TREM1: variants seen among roughly 807,000 people sequenced by gnomAD.
The protein encoded by TREM1 is triggering receptor expressed on myeloid cells 1, also known as triggering receptor expressed on monocytes 1.
Under a neutral mutation model 22.4 loss-of-function variants are expected in TREM1, and 16 were observed. The observed-to-expected ratio is 0.71, with a 90% CI of 0.48 to 1.08. The LOEUF (loss-of-function observed/expected upper bound fraction) is 1.08. Ranked by LOEUF, TREM1 falls within the 50% of genes least tolerant of loss-of-function variation. The pLI, the probability that TREM1 is intolerant of heterozygous loss-of-function variation, is 0.00. For missense variants in TREM1, 283 were observed against 282.9 expected, an observed-to-expected ratio of 1.00 and a Z score of 0.00; for synonymous variants, 110 against 111.6, an observed-to-expected ratio of 0.99 and a Z score of 0.09.
chr6:41,282,553 C>T lies in TREM1; in HGVS notation c.248G>A (p.Gly83Glu). Residue 83 changes from glycine to glutamate, a missense_variant, in exon 2 of 4, where the codon GGG becomes GAG. Physicochemically the swap from Gly to Glu is moderately conservative, Grantham distance 98 (BLOSUM62 -2). Coordinates refer to ENST00000244709, the MANE Select transcript of TREM1 (RefSeq NM_018643.5). Reference sequence around the variant, plus strand: ...ATGGTAGTCTTCTAGTATGATCCTCCCCACTTGGACTGGATGGGAATTCTT... The same window carrying T: ...ATGGTAGTCTTCTAGTATGATCCTCTCCACTTGGACTGGATGGGAATTCTT... The part of the protein sequence containing the change: ...PSKNSHPVQV[G>E]RIILEDYHDH... The T allele has an allele frequency of 6.2e-7, 1 of 1,614,156 alleles. No homozygotes were observed. Among genetic ancestry groups the T allele is most frequent in the Admixed American group, 1.7e-5 (1 of 60,018 alleles).
chr6:41,267,729 T>C (rs1009401219), downstream of TREM1, among the ~76,000 whole-genome samples: 7 of 152,082 alleles, frequency 4.6e-5, no homozygotes, highest in African/African-American at 1.7e-4. Context: ...TCCATCTCTA[T>C]ACATAAAAAT....
chr6:41,286,002 A>C (rs1257621903), intron 1 of TREM1, among the ~76,000 whole-genome samples: 1 of 152,198 alleles, frequency 6.6e-6, no homozygotes. Context: ...TTGGGTGCAG[A>C]TGTGAGCTGT....
intron 1 of TREM1, among the ~76,000 whole-genome samples, chr6:41,283,808 C>A (rs943076203): frequency 2.0e-5 from 3 of 152,084 alleles, no homozygotes; most frequent in African/African-American, 7.2e-5. Context: ...TGAGCTGGAC[C>A]AATCAGAGTC....
chr6:41,277,166 C>T (rs1767703532), intron 3 of TREM1, among the ~76,000 whole-genome samples: 1 of 152,138 alleles, frequency 6.6e-6, no homozygotes, highest in African/African-American at 2.4e-5. Flanking sequence ...AACACACCCA[C>T]CTATACAAAA....
rs896088153 is a variant in TREM1, at chr6:41,276,003, G to C, written c.*122C>G. 1.1e-5 allele frequency: 8 copies of C among 720,066 alleles called. No homozygotes were observed. The highest frequency in any genetic ancestry group is 3.3e-5 in the South Asian group (2 of 60,300). The allele number at this position is 720,066 out of a possible 1,614,324, so 44.6% of individuals were successfully genotyped here. A position where few individuals can be genotyped will look rare whatever the true frequency, so the allele number is the denominator to read the frequency against. The stretch of plus-strand genomic sequence containing the variant: ...TGAGACGCTGACTTTAGAAATAGCC[G>C]GTGATTACAGATTTAATTCATGTTA... On this transcript the variant is annotated 3_prime_UTR_variant, in exon 4 of 4. Coordinates refer to ENST00000244709, the MANE Select transcript of TREM1 (RefSeq NM_018643.5).
At chr6:41,270,587 C>T (rs189393455), downstream of TREM1, among the ~76,000 whole-genome samples, 40 of 152,046 alleles carry the variant, frequency 2.6e-4, no homozygotes, top group East Asian at 6.4e-3. Context: ...TTCTACATTT[C>T]GTAGACTGGA....
chr6:41,285,978 C>A (rs976227860), intron 1 of TREM1, among the ~76,000 whole-genome samples: 1 of 152,166 alleles, frequency 6.6e-6, no homozygotes, highest in South Asian at 2.1e-4. Flanking sequence ...GAATAAAGCC[C>A]GCATGCTTCT....
chr6:41,281,794 C>T, intron 2 of TREM1: 1 of 159,082 alleles, frequency 6.3e-6, no homozygotes, highest in Non-Finnish European at 1.4e-5. Flanking sequence ...AGGTGCTTCC[C>T]TCAAGCAGTT....
At chr6:41,268,708 C>T (rs558087997), downstream of TREM1, among the ~76,000 whole-genome samples, 1 of 152,200 alleles carries the variant, frequency 6.6e-6, no homozygotes. Context: ...CAAGAATCCA[C>T]AATCTTCTAT....
At chr6:41,269,845 C>T (rs1282754462), downstream of TREM1, 1 of 152,368 alleles carries the variant, frequency 6.6e-6, no homozygotes, top group Non-Finnish European at 1.5e-5. Context: ...GGAGACCCTT[C>T]CATGACCTGA....
At chr6:41,282,027 C>G in intron 2 of TREM1, 1 of 228,564 alleles carries the variant, frequency 4.4e-6, no homozygotes, top group Non-Finnish European at 8.7e-6. Context: ...GGTCTGTGCC[C>G]ACAGAAAGAT....
At chr6:41,277,080 AAAC>A (rs1238404227) in intron 3 of TREM1, among the ~76,000 whole-genome samples, 4 of 152,008 alleles carry the variant, frequency 2.6e-5, no homozygotes, top group Non-Finnish European at 2.9e-5. Flanking sequence ...AATAAAAAAA[AAAC>A]AATCCAAGAA....
chr6:41,286,390 C>T (rs960709127), intron 1 of TREM1, among the ~76,000 whole-genome samples: 28 of 152,332 alleles, frequency 1.8e-4, no homozygotes, highest in Non-Finnish European at 3.8e-4. Flanking sequence ...ACAACATCGA[C>T]ATGCACAGAC....
At chr6:41,278,247 T>G (rs1008291951) in intron 3 of TREM1, among the ~76,000 whole-genome samples, 1 of 152,002 alleles carries the variant, frequency 6.6e-6, no homozygotes, top group Admixed American at 6.5e-5. Flanking sequence ...TAACAAGACT[T>G]TACAGCTTGC....
chr6:41,286,194 A>G (rs562008326), intron 1 of TREM1, among the ~76,000 whole-genome samples: 24 of 152,174 alleles, frequency 1.6e-4, no homozygotes, highest in Non-Finnish European at 2.6e-4. Flanking sequence ...TTGCTGTCCC[A>G]TAGTAGACCC....
chr6:41,277,434 C>T (rs3804277), intron 3 of TREM1, among the ~76,000 whole-genome samples: 66,279 of 151,896 alleles, frequency 0.44, 14,930 homozygotes, highest in Middle Eastern at 0.55. Context: ...CACATGGTGG[C>T]GCACTCAGCA....
At chr6:41,277,907 C>CTTT (rs11341322) in intron 3 of TREM1, among the ~76,000 whole-genome samples, 15 of 111,312 alleles carry the variant, frequency 1.3e-4, no homozygotes, top group African/African-American at 3.3e-4. Flanking sequence ...TTCTTTTTGT[C>CTTT]TTTTTTTTTT....
At chr6:41,282,031 G>T (rs1581633462) in intron 2 of TREM1, 1 of 232,858 alleles carries the variant, frequency 4.3e-6, no homozygotes, top group South Asian at 7.7e-5. Flanking sequence ...TGTGCCCACA[G>T]AAAGATGTGA....
In TREM1 at chr6:41,282,708, C is replaced by T. The variant is rs759126895; in HGVS notation, c.93G>A (p.Leu31=). Residue 31 remains leucine (L), a synonymous_variant, in exon 2 of 4, where the codon CTG becomes CTA. Coordinates refer to ENST00000244709, the MANE Select transcript of TREM1 (RefSeq NM_018643.5). ...ATKLTEEKYE[L]KEGQTLDVKC... Reference sequence around the variant, plus strand: ...TCACATCCAGGGTCTGCCCCTCTTTCAGTTCATACTTTTCCTCAGTTAATT... The same window carrying T: ...TCACATCCAGGGTCTGCCCCTCTTTTAGTTCATACTTTTCCTCAGTTAATT... 211 of 1,614,028 alleles carry T rather than the reference C, an allele frequency of 1.3e-4. No individual in the cohort carries two copies. The highest frequency in any genetic ancestry group is 1.7e-4 in the Non-Finnish European group (203 of 1,180,014).
Sources: allele counts gnomAD v4.1 joint callset (sites outside exome capture counted in the v4.1 genomes callset), GRCh38; gene constraint gnomAD v4.1.1; transcripts MANE v1.5; gene names NCBI Gene and HGNC (gene_info 2026-07-23, HGNC 2026-07-21).